The following LINGO2 variants were observed in gnomAD, a reference collection of about 807,000 sequenced individuals.
LINGO2 encodes leucine rich repeat and Ig domain containing 2.
Under a neutral mutation model 30.6 loss-of-function variants are expected in LINGO2, and 14 were observed. The ratio of observed to expected loss-of-function variants is 0.46; its 90% CI spans 0.30 to 0.72. The LOEUF (loss-of-function observed/expected upper bound fraction) is 0.72, where lower values mean the gene tolerates loss of function less well. Among genes scored for constraint, LINGO2 ranks in the 30% least tolerant of loss-of-function variants. The probability of loss-of-function intolerance (pLI) is 0.07; values close to 1 mark genes in which losing one functional copy is unlikely to be tolerated. For missense variants in LINGO2, 729 were observed against 751.7 expected (o/e 0.97, Z 0.35); for synonymous variants, 317 against 288.5 (o/e 1.10, Z -1.00).
At chr9:28,741,760 C>T in the LINGO2 span, among the ~76,000 whole-genome samples, 1 of 151,610 alleles carries the variant, frequency 6.6e-6, no homozygotes, top group East Asian at 1.9e-4. Flanking sequence ...GATCCTGAGG[C>T]CTGTATCCAT....
At chr9:28,716,060 C>T in the LINGO2 span, among the ~76,000 whole-genome samples, 2 of 151,850 alleles carry the variant, frequency 1.3e-5, no homozygotes, top group African/African-American at 4.8e-5. Context: ...CTCCTGTCCA[C>T]ATTATGAGTC....
At chr9:28,797,347 TATATATATATATAGAGAG>T in the LINGO2 span, among the ~76,000 whole-genome samples, 41 of 68,250 alleles carry the variant, frequency 6.0e-4, no homozygotes, top group African/African-American at 1.2e-3. Flanking sequence ...TATATATATA[TATATATATATATAGAGAG>T]AGAGAGAGAG....
intron 3 of LINGO2, among the ~76,000 whole-genome samples, chr9:28,304,489 A>G (rs1400421689): frequency 1.3e-5 from 2 of 151,922 alleles, no homozygotes; most frequent in African/African-American, 4.8e-5. Context: ...TGAAACCAAC[A>G]CTTAAATCAG....
chr9:28,117,835 G>C (rs781168258), intron 4 of LINGO2, among the ~76,000 whole-genome samples: 2 of 151,736 alleles, frequency 1.3e-5, no homozygotes, highest in African/African-American at 2.4e-5. Context: ...AGATGAACCC[G>C]GTACCTCAGA....
chr9:28,865,005 C>T, the LINGO2 span, among the ~76,000 whole-genome samples: 1 of 151,866 alleles, frequency 6.6e-6, no homozygotes, highest in South Asian at 2.1e-4. Context: ...TAATTCAGTG[C>T]TAAGAGCGTT....
intron 4 of LINGO2, among the ~76,000 whole-genome samples, chr9:28,250,765 C>G (rs1284022694): frequency 6.6e-6 from 1 of 152,172 alleles, no homozygotes; most frequent in Non-Finnish European, 1.5e-5. Flanking sequence ...TGCACTTATG[C>G]CCTATCTGGC....
At chr9:28,833,616 G>C in the LINGO2 span, among the ~76,000 whole-genome samples, 1 of 152,150 alleles carries the variant, frequency 6.6e-6, no homozygotes, top group Admixed American at 6.5e-5. Context: ...GGTACAAGTA[G>C]AAGTGTGTAG....
chr9:28,937,787 T>G, the LINGO2 span, among the ~76,000 whole-genome samples: 1 of 152,174 alleles, frequency 6.6e-6, no homozygotes, highest in Non-Finnish European at 1.5e-5. Context: ...TGGATCATTT[T>G]TCTTTTTTTT....
At chr9:28,423,964 T>A (rs1564190447) in intron 2 of LINGO2, among the ~76,000 whole-genome samples, 4 of 152,082 alleles carry the variant, frequency 2.6e-5, no homozygotes, top group Admixed American at 2.6e-4. Context: ...AGAAAAATCA[T>A]GAAGTGCCTC....
the LINGO2 span, among the ~76,000 whole-genome samples, chr9:29,115,559 A>G: frequency 6.6e-6 from 1 of 151,320 alleles, no homozygotes; most frequent in African/African-American, 2.4e-5. Flanking sequence ...ACTGTGAGCC[A>G]AAGATTTCAC....
the LINGO2 span, among the ~76,000 whole-genome samples, chr9:29,031,661 T>C: frequency 2.0e-5 from 3 of 152,146 alleles, no homozygotes; most frequent in Admixed American, 6.6e-5. Context: ...CTAACTTTCT[T>C]TACGAAGTTT....
the LINGO2 span, among the ~76,000 whole-genome samples, chr9:29,185,687 G>A: frequency 2.6e-5 from 4 of 152,084 alleles, no homozygotes; most frequent in East Asian, 7.7e-4. Context: ...TGTTACAAAT[G>A]GTACTTAGAA....
intron 1 of LINGO2, among the ~76,000 whole-genome samples, chr9:28,628,241 G>C (rs1826773618): frequency 6.7e-6 from 1 of 150,258 alleles, no homozygotes; most frequent in Non-Finnish European, 1.5e-5. Flanking sequence ...CATAGAAAAA[G>C]TAATACATTT....
chr9:29,212,301 C>T, the LINGO2 span, among the ~76,000 whole-genome samples: 1 of 151,866 alleles, frequency 6.6e-6, no homozygotes, highest in Non-Finnish European at 1.5e-5. Context: ...TCCGCGCTCA[C>T]CCCGCCGCCT....
At chr9:28,421,677 C>T (rs1034086150) in intron 2 of LINGO2, among the ~76,000 whole-genome samples, 1 of 152,058 alleles carries the variant, frequency 6.6e-6, no homozygotes, top group Non-Finnish European at 1.5e-5. Flanking sequence ...AAGGATTTTA[C>T]ATTCCATGAA....
Position 28,552,437 on chromosome 9 carries a change from A to C in LINGO2, c.-364-76412T>G, listed in dbSNP as rs74669274. ...ATACTGTCTCATCAGAATCACGAAC[A>C]CTTGGTCTTATTGTTTACTAGCTTA... On this transcript the variant is annotated intron_variant, in intron 1 of 5. Transcript: ENST00000379992. Among the ~76,000 whole-genome samples, 1,164 of 152,128 alleles carry C rather than the reference A, an allele frequency of 7.7e-3. 38 individuals are homozygous for C. In the East Asian group the frequency reaches 0.097, roughly 13 times the overall value.
chr9:28,438,652 T>C (rs1824054303), intron 2 of LINGO2, among the ~76,000 whole-genome samples: 1 of 152,080 alleles, frequency 6.6e-6, no homozygotes, highest in Admixed American at 6.6e-5. Context: ...TCTATTTCTC[T>C]GGAGAACCCT....
chr9:28,497,105 T>G lies in LINGO2; in HGVS notation c.-364-21080A>C, dbSNP rs1447122812. On this transcript the variant is annotated intron_variant, in intron 1 of 5. Coordinates refer to ENST00000379992, the Ensembl canonical transcript of LINGO2. Reference sequence around the variant, plus strand: ...CTGCCCTTAACATTTTTTCCTTCATTTCAACTTTGGTGAATCTGATAATTA... The same window carrying G: ...CTGCCCTTAACATTTTTTCCTTCATGTCAACTTTGGTGAATCTGATAATTA... 2.6e-5 allele frequency among the ~76,000 whole-genome samples: 4 copies of G among 152,312 alleles called. No homozygotes were observed. The East Asian group carries it at 7.7e-4, about 29-fold the overall frequency.
chr9:28,583,227 T>C (rs1587908449), intron 1 of LINGO2, among the ~76,000 whole-genome samples: 2 of 152,112 alleles, frequency 1.3e-5, no homozygotes, highest in South Asian at 4.1e-4. Flanking sequence ...GTAATGGCTG[T>C]CCACTATTTA....
Sources: gnomAD v4.1 joint callset for allele counts (sites outside exome capture counted in the v4.1 genomes callset) on GRCh38, gnomAD v4.1.1 for gene constraint, MANE v1.5 for transcripts, NCBI Gene and HGNC (gene_info 2026-07-23, HGNC 2026-07-21) for gene names.